The following ATRNL1 variants were observed in gnomAD, a reference collection of about 807,000 sequenced individuals.
ATRNL1 encodes the protein attractin like 1.
Under a neutral mutation model 182.7 loss-of-function variants are expected in ATRNL1, and 95 were observed. That is an observed-to-expected ratio of 0.52 (90% CI 0.44 to 0.62). The LOEUF (loss-of-function observed/expected upper bound fraction) is 0.62. Among genes scored for constraint, ATRNL1 ranks in the 20% least tolerant of loss-of-function variants. The pLI, the probability that ATRNL1 is intolerant of heterozygous loss-of-function variation, is 0.00. For synonymous variants in ATRNL1, 576 were observed against 568.3 expected (o/e 1.01, Z -0.19); for missense variants, 1,471 against 1,679.5 (o/e 0.88, Z 2.17).
chr10:115,931,883 G>A (rs116214592), intron 28 of ATRNL1, among the ~76,000 whole-genome samples: 2,074 of 152,186 alleles, frequency 0.014, 36 homozygotes, highest in African/African-American at 0.047. Flanking sequence ...TTGTGGAACC[G>A]GTCTATGAGA....
In ATRNL1 at chr10:115,751,961, G is replaced by C. The variant is rs1275502457; in HGVS notation, c.3903+24606G>C. Reference sequence around the variant, plus strand: ...ATGAAGGAAATAGGGATGGTAGGTAGACCTAAGTGTACTTTACTTCGTAGA... The same window carrying C: ...ATGAAGGAAATAGGGATGGTAGGTACACCTAAGTGTACTTTACTTCGTAGA... On this transcript the variant is annotated intron_variant, in intron 27 of 28. Coordinates refer to ENST00000355044, the MANE Select transcript of ATRNL1 (RefSeq NM_207303.4). Among the ~76,000 whole-genome samples, 10 of 152,008 alleles carry C rather than the reference G, an allele frequency of 6.6e-5. 1 individual carries two copies. The highest frequency in any genetic ancestry group is 1.3e-4 in the Non-Finnish European group (9 of 67,962).
chr10:115,691,979 G>A (rs1182915705), intron 26 of ATRNL1, among the ~76,000 whole-genome samples: 1 of 152,024 alleles, frequency 6.6e-6, no homozygotes, highest in African/African-American at 2.4e-5. Context: ...AATCCCACTT[G>A]ACAGTTTTAG....
intron 27 of ATRNL1, among the ~76,000 whole-genome samples, chr10:115,791,961 A>C (rs567599424): frequency 7.2e-5 from 11 of 152,300 alleles, no homozygotes; most frequent in South Asian, 2.1e-4. Flanking sequence ...CCTCATGCTT[A>C]TCTGGACAGC....
At chr10:115,321,926 G>A (rs1554931653) in intron 18 of ATRNL1, among the ~76,000 whole-genome samples, 1 of 151,966 alleles carries the variant, frequency 6.6e-6, no homozygotes, top group Non-Finnish European at 1.5e-5. Context: ...GTTACAGAAT[G>A]CCTAATCAAC....
intron 7 of ATRNL1, among the ~76,000 whole-genome samples, chr10:115,168,149 G>T (rs1021111859): frequency 6.6e-6 from 1 of 152,090 alleles, no homozygotes; most frequent in South Asian, 2.1e-4. Flanking sequence ...GTTTTAGAAT[G>T]TATCAGTACT....
chr10:115,544,959 TG>T (rs1554993213), intron 25 of ATRNL1, among the ~76,000 whole-genome samples: 3 of 152,214 alleles, frequency 2.0e-5, no homozygotes, highest in Non-Finnish European at 4.4e-5. Flanking sequence ...AACTGTTTTT[TG>T]TTTGTATGTA....
intron 20 of ATRNL1, among the ~76,000 whole-genome samples, chr10:115,419,232 A>G (rs1286908900): frequency 6.6e-6 from 1 of 152,194 alleles, no homozygotes; most frequent in Non-Finnish European, 1.5e-5. Context: ...TATTATGACT[A>G]TAAGATGTTT....
chr10:115,174,899 A>G (rs1450391069), intron 8 of ATRNL1, among the ~76,000 whole-genome samples: 1 of 151,940 alleles, frequency 6.6e-6, no homozygotes, highest in Non-Finnish European at 1.5e-5. Context: ...TTCATGCCCC[A>G]AAGTAGCCTG....
intron 26 of ATRNL1, among the ~76,000 whole-genome samples, chr10:115,655,253 A>G (rs914335993): frequency 4.6e-5 from 7 of 152,102 alleles, no homozygotes; most frequent in Non-Finnish European, 8.8e-5. Flanking sequence ...TGATAACCGG[A>G]AAAAAAGGGC....
chr10:115,236,938 A>G (rs1277884876), intron 9 of ATRNL1, among the ~76,000 whole-genome samples: 1 of 152,142 alleles, frequency 6.6e-6, no homozygotes, highest in Non-Finnish European at 1.5e-5. Context: ...GCAACCACTG[A>G]TATTTTTACT....
At chr10:115,635,268 G>A (rs1182684791) in intron 26 of ATRNL1, among the ~76,000 whole-genome samples, 4 of 150,092 alleles carry the variant, frequency 2.7e-5, no homozygotes, top group South Asian at 4.2e-4. Flanking sequence ...CATAAAGAAC[G>A]TTTTACAAAT....
chr10:115,773,621 G>A (rs760035459), intron 27 of ATRNL1, among the ~76,000 whole-genome samples: 1 of 152,132 alleles, frequency 6.6e-6, no homozygotes, highest in Non-Finnish European at 1.5e-5. Context: ...TTTCAGCAGA[G>A]CATTCAGCCA....
rs540163057 is a variant in ATRNL1 at position 115,238,626 on chromosome 10, G to GGTT, written c.1533-2925_1533-2923dup. ...CTTATTAGTTCTAGAGGGTTTTTTT[G>GGTT]GTTGTTGTTGTTGTTGTTGTTGATT... is the stretch of plus-strand genomic sequence containing the variant. On this transcript the variant is annotated intron_variant, in intron 9 of 28. Transcript: ENST00000355044. Among the ~76,000 whole-genome samples the GGTT allele has an allele frequency of 2.3e-3, 354 of 151,796 alleles. 4 individuals are homozygous for GGTT. The South Asian group carries it at 0.029, about 12-fold the overall frequency.
chr10:115,408,027 C>T (rs868994158), intron 20 of ATRNL1, among the ~76,000 whole-genome samples: 1 of 124,520 alleles, frequency 8.0e-6, no homozygotes. Flanking sequence ...GACGGAGTCT[C>T]GCTCTGTCGC....
intron 28 of ATRNL1, among the ~76,000 whole-genome samples, chr10:115,871,504 T>TATATATATATATATAG: frequency 6.8e-6 from 1 of 147,270 alleles, no homozygotes; most frequent in African/African-American, 2.5e-5. Context: ...TATATATATA[T>TATATATATATATATAG]GACTTTTGAC....
At chr10:115,685,409 A>G (rs1555046035) in intron 26 of ATRNL1, among the ~76,000 whole-genome samples, 1 of 151,756 alleles carries the variant, frequency 6.6e-6, no homozygotes, top group African/African-American at 2.4e-5. Context: ...TACCTCGTGG[A>G]TTGTTAAGAT....
chr10:115,247,499 A>T (rs139580247), intron 10 of ATRNL1, among the ~76,000 whole-genome samples: 9 of 152,342 alleles, frequency 5.9e-5, no homozygotes, highest in South Asian at 2.1e-4. Flanking sequence ...GCCATTTAGG[A>T]TATCTATTAT....
At chr10:115,694,911 TCACACACACACACACACACATGCA>T (rs1485409129) in intron 26 of ATRNL1, among the ~76,000 whole-genome samples, 1 of 131,708 alleles carries the variant, frequency 7.6e-6, no homozygotes, top group East Asian at 2.2e-4. Flanking sequence ...TGTTATAAAA[TCACACACACACACACACACATGCA>T]CACACGCACA....
At chr10:115,457,493 A>C (rs1554968951) in intron 21 of ATRNL1, among the ~76,000 whole-genome samples, 1 of 151,914 alleles carries the variant, frequency 6.6e-6, no homozygotes, top group East Asian at 1.9e-4. Context: ...GTCCCTGTCC[A>C]CCTAGGAATT....
Sources: gnomAD v4.1 joint callset for allele counts (sites outside exome capture counted in the v4.1 genomes callset) on GRCh38, gnomAD v4.1.1 for gene constraint, MANE v1.5 for transcripts, NCBI Gene and HGNC (gene_info 2026-07-23, HGNC 2026-07-21) for gene names.